The following ASTN2 variants were observed in gnomAD, a reference collection of about 807,000 sequenced individuals.
ASTN2 encodes astrotactin-2.
Under a neutral mutation model 139.8 loss-of-function variants are expected in ASTN2, and 54 were observed. That is an observed-to-expected ratio of 0.39 (90% CI 0.31 to 0.48). ASTN2 has a LOEUF of 0.48. Among genes scored for constraint, ASTN2 ranks in the 20% least tolerant of loss-of-function variants. ASTN2 has a pLI of 0.95. For synonymous variants in ASTN2, 756 were observed against 719.5 expected, an observed-to-expected ratio of 1.05 and a Z score of -0.81; for missense variants, 1,565 against 1,725.1, an observed-to-expected ratio of 0.91 and a Z score of 1.64.
rs1211683284 is a variant in ASTN2, at chr9:116,838,121, GT to G, written c.2041-17339del. Among the ~76,000 whole-genome samples the G allele has an allele frequency of 3.1e-4, 43 of 138,012 alleles. No homozygotes were observed. The South Asian group carries it at 4.5e-3, about 14-fold the overall frequency. The allele number at this position is 138,012 out of a possible 152,430, so 90.5% of individuals were successfully genotyped here. On this transcript the variant is annotated intron_variant, in intron 11 of 22. Coordinates refer to ENST00000313400, the MANE Select transcript of ASTN2 (RefSeq NM_001365068.1). ...GCTGTGTTTTTTTTTGTTTTGTTTT[GT>G]TTTTTGAGACAGAGTCACGCTCTGT...
At chr9:116,438,765 C>A (rs1020786116) in intron 22 of ASTN2, among the ~76,000 whole-genome samples, 1 of 151,932 alleles carries the variant, frequency 6.6e-6, no homozygotes, top group Non-Finnish European at 1.5e-5. Flanking sequence ...GCCAACTTGG[C>A]GAAACCCTCT....
chr9:117,179,488 T>C (rs1377069469), intron 3 of ASTN2, among the ~76,000 whole-genome samples: 1 of 152,150 alleles, frequency 6.6e-6, no homozygotes, highest in African/African-American at 2.4e-5. Flanking sequence ...GACACCATCC[T>C]AATAGGAGAC....
chr9:117,221,324 AGTACACTGTTTGGCCTGGCCTC>A (rs1224840819), intron 2 of ASTN2, among the ~76,000 whole-genome samples: 2 of 152,296 alleles, frequency 1.3e-5, no homozygotes, highest in African/African-American at 4.8e-5. Flanking sequence ...AGTCAAACTC[AGTACACTGTTTGGCCTGGCCTC>A]ATTTTAATCT....
chr9:116,846,528 C>G lies in ASTN2; in HGVS notation c.2040+17055G>C, dbSNP rs138089452. On this transcript the variant is annotated intron_variant, in intron 11 of 22. Coordinates refer to ENST00000313400, the MANE Select transcript of ASTN2 (RefSeq NM_001365068.1). ...TGGTTTCTGATCAAGAGCAGTGCTG[C>G]AATGACAGCATGCTACTGCGTGGCT... 6.1e-3 allele frequency among the ~76,000 whole-genome samples: 924 copies of G among 152,254 alleles called. 7 individuals are homozygous for G. Among genetic ancestry groups the G allele is most frequent in the African/African-American group, 0.021 (867 of 41,542 alleles).
At chr9:117,238,392 G>C (rs1484584580) in intron 2 of ASTN2, among the ~76,000 whole-genome samples, 1 of 152,186 alleles carries the variant, frequency 6.6e-6, no homozygotes, top group African/African-American at 2.4e-5. Flanking sequence ...AGTGACGTTG[G>C]TCAAGTCCTT....
chr9:117,016,639 T>G (rs1467121443), intron 6 of ASTN2, among the ~76,000 whole-genome samples: 5 of 21,914 alleles, frequency 2.3e-4, no homozygotes, highest in Admixed American at 7.1e-4. Flanking sequence ...TATATATATA[T>G]ATATATATAT....
At chr9:117,159,859 T>C (rs1195139240) in intron 3 of ASTN2, among the ~76,000 whole-genome samples, 1 of 152,052 alleles carries the variant, frequency 6.6e-6, no homozygotes, top group African/African-American at 2.4e-5. Flanking sequence ...CCAAACAAGA[T>C]TGTATTCATC....
intron 10 of ASTN2, among the ~76,000 whole-genome samples, chr9:116,956,520 A>C (rs976662547): frequency 9.3e-5 from 14 of 149,940 alleles, no homozygotes; most frequent in African/African-American, 3.4e-4. Context: ...TGTAAAATTA[A>C]ATATAAAATA....
intron 16 of ASTN2, chr9:116,697,744 T>C (rs1860938566): frequency 6.2e-7 from 1 of 1,613,980 alleles, no homozygotes; most frequent in Non-Finnish European, 8.5e-7. Flanking sequence ...GGAAGAGCAA[T>C]GGCTGCAGCA....
intron 4 of ASTN2, among the ~76,000 whole-genome samples, chr9:117,119,202 A>G (rs1829479400): frequency 6.6e-6 from 1 of 152,258 alleles, no homozygotes; most frequent in South Asian, 2.1e-4. Context: ...CTCAAAACAG[A>G]AAAGGATTTA....
intron 5 of ASTN2, among the ~76,000 whole-genome samples, chr9:117,063,708 G>A (rs144385572): frequency 6.6e-6 from 1 of 152,300 alleles, no homozygotes; most frequent in East Asian, 1.9e-4. Flanking sequence ...TTGTGGGCTA[G>A]CCTGGGAACA....
At chr9:116,833,998 C>T (rs902388349) in intron 11 of ASTN2, among the ~76,000 whole-genome samples, 3 of 152,192 alleles carry the variant, frequency 2.0e-5, no homozygotes, top group Non-Finnish European at 2.9e-5. Flanking sequence ...TAGCCAGCAC[C>T]TCAATCTTAG....
At chr9:116,885,776 G>A (rs1052032428) in intron 10 of ASTN2, among the ~76,000 whole-genome samples, 5 of 152,170 alleles carry the variant, frequency 3.3e-5, no homozygotes, top group Non-Finnish European at 5.9e-5. Context: ...AGGTGACACA[G>A]TTCAGCCCAT....
At chr9:116,705,058 A>G (rs1430919412) in intron 16 of ASTN2, among the ~76,000 whole-genome samples, 4 of 152,174 alleles carry the variant, frequency 2.6e-5, no homozygotes, top group African/African-American at 9.7e-5. Flanking sequence ...AATTATAAAA[A>G]TAAAAGTAAG....
At chr9:117,360,509 T>C (rs1209548438) in intron 1 of ASTN2, among the ~76,000 whole-genome samples, 1 of 152,158 alleles carries the variant, frequency 6.6e-6, no homozygotes, top group Non-Finnish European at 1.5e-5. Flanking sequence ...GCGCTGGGGA[T>C]ATGGAGATGA....
chr9:117,269,234 T>C lies in ASTN2; in HGVS notation c.630+22092A>G, dbSNP rs149986414. Among the ~76,000 whole-genome samples, 190 of 152,304 alleles carry C rather than the reference T, an allele frequency of 1.2e-3. 1 individual carries two copies. Among genetic ancestry groups the C allele is most frequent in the African/African-American group, 4.4e-3 (181 of 41,572 alleles). On this transcript the variant is annotated intron_variant, in intron 2 of 22. Transcript: ENST00000313400. ...AGACCACGGAGTGTGGCATGGGGTG[T>C]AATGTATTCACAGTAGCTATGCTAA...
chr9:117,311,338 CT>C (rs1302336589), intron 1 of ASTN2, among the ~76,000 whole-genome samples: 2 of 152,052 alleles, frequency 1.3e-5, no homozygotes, highest in Non-Finnish European at 2.9e-5. Flanking sequence ...CCGGCAGACC[CT>C]GTTAGTGACC....
chr9:117,407,283 C>G (rs1244607730), intron 1 of ASTN2, among the ~76,000 whole-genome samples: 1 of 152,140 alleles, frequency 6.6e-6, no homozygotes, highest in African/African-American at 2.4e-5. Flanking sequence ...ACCTTCAGAA[C>G]AATGGGGAAG....
At chr9:116,976,270 G>A in intron 8 of ASTN2, 82 bp from the exon 9 acceptor site, 1 of 1,146,664 alleles carries the variant, frequency 8.7e-7, no homozygotes, top group Non-Finnish European at 1.3e-6. Flanking sequence ...CTCTAGAGTA[G>A]CTTTACAAAC....
Sources: gnomAD v4.1 joint callset for allele counts (sites outside exome capture counted in the v4.1 genomes callset) on GRCh38, gnomAD v4.1.1 for gene constraint, MANE v1.5 for transcripts, NCBI Gene and HGNC (gene_info 2026-07-23, HGNC 2026-07-21) for gene names.